CDC14A: variants seen among roughly 807,000 people sequenced by gnomAD.
CDC14A encodes cell division cycle 14A.
A neutral mutation model predicts 74.4 loss-of-function variants in CDC14A; 53 were observed. The observed-to-expected ratio is 0.71, with a 90% CI of 0.57 to 0.89. The LOEUF (loss-of-function observed/expected upper bound fraction) is 0.89, where lower values mean the gene tolerates loss of function less well. Ranked by LOEUF, CDC14A falls within the 40% of genes least tolerant of loss-of-function variation. The pLI, the probability that CDC14A is intolerant of heterozygous loss-of-function variation, is 0.00. For missense variants in CDC14A, 646 were observed against 713.7 expected (o/e 0.91, Z 1.08); for synonymous variants, 247 against 258.4 (o/e 0.96, Z 0.43).
chr1:100,350,981 C>T (rs1189716241), upstream of CDC14A, among the ~76,000 whole-genome samples: 7 of 152,074 alleles, frequency 4.6e-5, no homozygotes, highest in African/African-American at 1.7e-4. Context: ...ATTGCTTGTG[C>T]TCAGGAACTG....
chr1:100,418,173 G>T (rs7522151), intron 4 of CDC14A, among the ~76,000 whole-genome samples: 8 of 151,636 alleles, frequency 5.3e-5, no homozygotes, highest in African/African-American at 2.0e-4. Context: ...AAGAGTGCCT[G>T]GCACATGGTA....
rs967195153 is a variant in CDC14A, at chr1:100,498,106, A to G, written c.1320A>G (p.Gly440=). 9.9e-6 allele frequency: 16 copies of G among 1,613,976 alleles called. No homozygotes were observed. Among genetic ancestry groups the G allele is most frequent in the Non-Finnish European group, 1.4e-5 (16 of 1,179,980 alleles). The part of the protein sequence containing the change: ...QPFRLSSSLQ[G]SAVTLKTSKM... ...AAAGATTAAGTTCATCCCTGCAAGG[A>G]TCTGCAGTTACTTTGAAGACATCAA... The change falls in exon 14 of 16, where the codon GGA becomes GGG. Residue 440 remains glycine, a synonymous_variant. Transcript: ENST00000336454.
intron 11 of CDC14A, chr1:100,484,944 A>G: frequency 1.1e-5 from 11 of 972,388 alleles, no homozygotes; most frequent in Non-Finnish European, 1.3e-5. Context: ...TCTGATTAAT[A>G]TTCATAACTA....
chr1:100,493,223 G>T (rs1167389411), intron 11 of CDC14A, among the ~76,000 whole-genome samples: 1 of 152,174 alleles, frequency 6.6e-6, no homozygotes, highest in South Asian at 2.1e-4. Context: ...GCACCCAGTT[G>T]ACAATGAAAC....
chr1:100,388,199 G>T (rs10875290), intron 3 of CDC14A, among the ~76,000 whole-genome samples: 49,690 of 152,068 alleles, frequency 0.33, 9,527 homozygotes, highest in East Asian at 0.5. Context: ...GTGTAAGGCA[G>T]TATTTAGATA....
rs763618704 is a variant in CDC14A at position 100,463,123 on chromosome 1, A to G, written c.838+242A>G. Among the ~76,000 whole-genome samples, 6 of 152,268 alleles carry G rather than the reference A, an allele frequency of 3.9e-5. No homozygotes were observed. In the South Asian group the frequency reaches 6.2e-4, roughly 16 times the overall value. The stretch of plus-strand genomic sequence containing the variant: ...CCAGTTTTTCAGACCTTACCTTTCC[A>G]GGCCCACGTGCCACAATGAGGGGAA... On this transcript the variant is annotated intron_variant, in intron 9 of 15. Coordinates refer to ENST00000336454, the MANE Select transcript of CDC14A (RefSeq NM_003672.4).
rs888739551 is a variant in CDC14A, at chr1:100,410,071, G to C, written c.310-14151G>C. On this transcript the variant is annotated intron_variant, in intron 4 of 15. Transcript: ENST00000336454. The stretch of plus-strand genomic sequence containing the variant: ...TAAAAAATAAAAAAGAATTAACCAG[G>C]TGTGGTGGTGCATATCTGTAGTCTC... 2.0e-5 allele frequency among the ~76,000 whole-genome samples: 3 copies of C among 152,126 alleles called. No individual in the cohort carries two copies. The East Asian group carries it at 5.8e-4, about 29-fold the overall frequency.
intron 7 of CDC14A, among the ~76,000 whole-genome samples, chr1:100,450,562 C>G (rs993698931): frequency 2.0e-5 from 3 of 152,078 alleles, no homozygotes; most frequent in African/African-American, 7.3e-5. Flanking sequence ...GAAGCATTCT[C>G]CTGGAGCTGT....
At position 100,518,633 on chromosome 1, in the gene CDC14A, C is replaced by G. The variant is rs28364925; in HGVS notation, c.*353C>G. On this transcript the variant is annotated 3_prime_UTR_variant, in exon 16 of 16. Coordinates refer to ENST00000336454, the MANE Select transcript of CDC14A (RefSeq NM_003672.4). ...TATATGTATTGTGAACTTTAAAAGACTATTTTGATAAATTTATAAATATAT... is the reference window on the plus strand; with the variant it reads ...TATATGTATTGTGAACTTTAAAAGAGTATTTTGATAAATTTATAAATATAT... 0.016 allele frequency: 2,513 copies of G among 157,384 alleles called. 64 individuals carry two copies. Among genetic ancestry groups the G allele is most frequent in the African/African-American group, 0.057 (2,396 of 41,692 alleles). The allele number at this position is 157,384 out of a possible 1,614,324, so 9.7% of individuals were successfully genotyped here.
intron 10 of CDC14A, among the ~76,000 whole-genome samples, chr1:100,474,610 T>TG (rs568102277): frequency 0.2 from 565 of 2,868 alleles, 3 homozygotes; most frequent in Middle Eastern, 0.5. Context: ...GTGGAGTGTG[T>TG]TTTTTTTTTT....
chr1:100,516,217 T>C (rs1650209482), intron 15 of CDC14A, among the ~76,000 whole-genome samples: 1 of 152,248 alleles, frequency 6.6e-6, no homozygotes, highest in African/African-American at 2.4e-5. Flanking sequence ...CACTGGGTAC[T>C]GTGATTCACT....
rs751788467 is a variant in CDC14A, at chr1:100,498,929, CT to C, written c.1426del (p.Ser476ProfsTer2). The C allele has an allele frequency of 1.2e-6, 2 of 1,607,418 alleles. No homozygotes were observed. Among genetic ancestry groups the C allele is most frequent in the Admixed American group, 1.7e-5 (1 of 59,292 alleles). On this transcript the variant is annotated frameshift_variant and splice_region_variant, in exon 15 of 16. Transcript: ENST00000336454. LOFTEE classifies it high-confidence loss of function. ...SLSSGATVRS[F>X]SINSRLASSL... ...CTCCTCACTTGTGTTTTCCATTCAG[CT>C]TTTCCATAAACTCCCGGCTAGCCAG...
intron 4 of CDC14A, among the ~76,000 whole-genome samples, chr1:100,396,265 AG>A (rs1658463762): frequency 6.6e-6 from 1 of 152,196 alleles, no homozygotes; most frequent in African/African-American, 2.4e-5. Flanking sequence ...GTGGGTCCCA[AG>A]GAAGAGACTA....
intron 9 of CDC14A, among the ~76,000 whole-genome samples, chr1:100,464,977 G>A (rs1487601992): frequency 6.7e-6 from 1 of 149,668 alleles, no homozygotes; most frequent in African/African-American, 2.5e-5. Context: ...CCAGGCTGGA[G>A]TGCAATGGTG....
chr1:100,460,519 T>C (rs750245904), intron 8 of CDC14A, among the ~76,000 whole-genome samples: 107 of 152,112 alleles, frequency 7.0e-4, no homozygotes, highest in Non-Finnish European at 1.3e-3. Context: ...GCTGCCCAGG[T>C]GTTTATGAGC....
chr1:100,494,853 T>C lies in CDC14A; in HGVS notation c.1173T>C (p.Asn391=). Residue 391 remains asparagine (N), a synonymous_variant, in exon 12 of 16, where the codon AAT becomes AAC. Transcript: ENST00000336454. ...NLEDDDVEMK[N]GITQGDKLRA... ...AAGATGATGATGTGGAAATGAAAAA[T>C]GGTATAACCCAGGGAGACAAACTAC... 1 of 1,612,858 alleles carries C rather than the reference T, an allele frequency of 6.2e-7. No individual in the cohort carries two copies. The highest frequency in any genetic ancestry group is 1.1e-5 in the South Asian group (1 of 90,988).
intron 2 of CDC14A, among the ~76,000 whole-genome samples, chr1:100,357,245 C>T (rs566217447): frequency 7.2e-4 from 110 of 151,960 alleles, no homozygotes; most frequent in Non-Finnish European, 1.3e-3. Flanking sequence ...GAGAATGATG[C>T]GATTTCTGGG....
chr1:100,406,848 C>T (rs752992964), intron 4 of CDC14A, among the ~76,000 whole-genome samples: 10 of 151,840 alleles, frequency 6.6e-5, no homozygotes, highest in East Asian at 1.9e-4. Context: ...ATCACCTGAA[C>T]CCAGGAGGTG....
At chr1:100,431,080 A>T (rs1210657884) in intron 5 of CDC14A, among the ~76,000 whole-genome samples, 2 of 152,308 alleles carry the variant, frequency 1.3e-5, no homozygotes, top group South Asian at 4.1e-4. Context: ...CATATTTTGA[A>T]TAAGTGTACC....
Sources: allele counts gnomAD v4.1 joint callset (sites outside exome capture counted in the v4.1 genomes callset), GRCh38; gene constraint gnomAD v4.1.1; transcripts MANE v1.5; gene names NCBI Gene and HGNC (gene_info 2026-07-23, HGNC 2026-07-21).